PDXDC1: variants seen among roughly 807,000 people sequenced by gnomAD.
PDXDC1 encodes the protein pyridoxal dependent decarboxylase domain containing 1.
In PDXDC1, 42 loss-of-function variants were observed where a neutral mutation model predicts 100.1. The observed-to-expected ratio is 0.42, with a 90% CI of 0.33 to 0.54. The LOEUF (loss-of-function observed/expected upper bound fraction) is 0.54. Among genes scored for constraint, PDXDC1 ranks in the 20% least tolerant of loss-of-function variants. The pLI, the probability that PDXDC1 is intolerant of heterozygous loss-of-function variation, is 0.10. For missense variants in PDXDC1, 636 were observed against 979.2 expected, an observed-to-expected ratio of 0.65 and a Z score of 4.68; for synonymous variants, 260 against 371.7, an observed-to-expected ratio of 0.70 and a Z score of 3.46.
intron 8 of PDXDC1, among the ~76,000 whole-genome samples, chr16:15,015,393 T>G (rs1165524673): frequency 6.6e-6 from 1 of 152,258 alleles, no homozygotes; most frequent in East Asian, 1.9e-4. Flanking sequence ...GACTTCATAT[T>G]GATGAAAGAT....
chr16:14,982,685 A>T (rs1349892899), intron 1 of PDXDC1, among the ~76,000 whole-genome samples: 1 of 152,294 alleles, frequency 6.6e-6, no homozygotes, highest in African/African-American at 2.4e-5. Context: ...AAGTCACTGT[A>T]TCAGCTTGGA....
chr16:14,990,961 G>A (rs1426098547), intron 1 of PDXDC1, among the ~76,000 whole-genome samples: 1 of 152,270 alleles, frequency 6.6e-6, no homozygotes, highest in African/African-American at 2.4e-5. Context: ...AGCTGGTCTC[G>A]AACTCCTGGG....
At chr16:15,031,356 C>G (rs201045871) in intron 16 of PDXDC1, among the ~76,000 whole-genome samples, 1 of 152,118 alleles carries the variant, frequency 6.6e-6, no homozygotes, top group East Asian at 1.9e-4. Flanking sequence ...CAGCAGCCCA[C>G]CACAGTACTT....
chr16:14,975,772 G>C, intron 1 of PDXDC1: 1 of 792,234 alleles, frequency 1.3e-6, no homozygotes, highest in Non-Finnish European at 1.5e-6. Context: ...CTGGGGGCGG[G>C]ACCGGGAACT....
chr16:15,019,537 A>G (rs1433075445), intron 12 of PDXDC1, among the ~76,000 whole-genome samples: 1 of 152,288 alleles, frequency 6.6e-6, no homozygotes, highest in African/African-American at 2.4e-5. Flanking sequence ...TAAACAACAG[A>G]CATTTATTGC....
chr16:15,079,053 G>A (rs555647199), intron 16 of PDXDC1, among the ~76,000 whole-genome samples: 9 of 151,962 alleles, frequency 5.9e-5, no homozygotes, highest in East Asian at 3.9e-4. Flanking sequence ...CTCGTGATCC[G>A]CCCGCCTCGG....
At position 15,036,165 on chromosome 16, in the gene PDXDC1, C is replaced by G; in HGVS notation, c.2257C>G (p.Pro753Ala). The G allele has an allele frequency of 6.2e-7, 1 of 1,614,124 alleles. No individual in the cohort carries two copies. The highest frequency in any genetic ancestry group is 8.5e-7 in the Non-Finnish European group (1 of 1,180,028). The part of the protein sequence containing the change: ...TLEASSTEGH[P>A]GAPSPQHTDQ... ...CGAGGCCAGCAGCACTGAGGGACAC[C>G]CAGGGGCTCCCAGCCCTCAGCACAC... is the stretch of plus-strand genomic sequence containing the variant. Residue 753 changes from proline (P) to alanine (A), a missense_variant, in exon 23 of 23, where the codon CCA becomes GCA. Transcript: ENST00000396410.
intron 1 of PDXDC1, chr16:14,990,007 A>G (rs1970374344): frequency 6.1e-6 from 9 of 1,476,482 alleles, no homozygotes; most frequent in Non-Finnish European, 8.0e-6. Context: ...CCCCAGGACC[A>G]GGGAAGCAGG....
At chr16:15,111,544 G>C (rs1007621254) in intron 16 of PDXDC1, among the ~76,000 whole-genome samples, 8 of 148,108 alleles carry the variant, frequency 5.4e-5, no homozygotes, top group Admixed American at 4.7e-4. Context: ...TGAATCACAA[G>C]GTCAAGAGAT....
intron 16 of PDXDC1, among the ~76,000 whole-genome samples, chr16:15,056,396 C>T (rs897247741): frequency 2.0e-5 from 3 of 152,248 alleles, no homozygotes; most frequent in African/African-American, 7.2e-5. Flanking sequence ...GTCATTGCTC[C>T]ACGCTTCCCA....
intron 22 of PDXDC1, 88 bp from the exon 23 acceptor site, chr16:15,035,928 A>C: frequency 7.3e-7 from 1 of 1,365,678 alleles, no homozygotes. Flanking sequence ...TGTGTTGTGA[A>C]ATAAAGCAAT....
downstream of PDXDC1, chr16:15,040,077 C>T: frequency 6.7e-7 from 1 of 1,486,030 alleles, no homozygotes; most frequent in Non-Finnish European, 9.4e-7. Flanking sequence ...CTGTGAGGGA[C>T]AACAGGATGA....
intron 16 of PDXDC1, among the ~76,000 whole-genome samples, chr16:15,119,709 CCCAG>C (rs1417574462): frequency 2.2e-5 from 3 of 134,392 alleles, no homozygotes; most frequent in African/African-American, 8.3e-5. Flanking sequence ...AGCCACCGTG[CCCAG>C]CCATTTTTTT....
chr16:15,122,753 C>G (rs1354290885), intron 16 of PDXDC1, among the ~76,000 whole-genome samples: 5 of 137,558 alleles, frequency 3.6e-5, no homozygotes, highest in Admixed American at 1.5e-4. Flanking sequence ...GTGGCCAGGA[C>G]AGAGGTGGAG....
At chr16:15,133,194 G>T (rs1381197355) in intron 16 of PDXDC1, 3 of 1,074,952 alleles carry the variant, frequency 2.8e-6, no homozygotes, top group African/African-American at 1.6e-5. Context: ...AAAGCTCCAG[G>T]CAGGGGTACA....
At chr16:15,111,409 T>C (rs1411659386) in intron 16 of PDXDC1, among the ~76,000 whole-genome samples, 4 of 145,128 alleles carry the variant, frequency 2.8e-5, no homozygotes, top group African/African-American at 5.0e-5. Flanking sequence ...TGAGCTGAGA[T>C]TGTGCCATTG....
rs374257380 is a variant in PDXDC1 at position 15,046,960 on chromosome 16, C to T, written c.1399+16904C>T. On this transcript the variant is annotated intron_variant, in intron 16 of 16. Coordinates refer to the PDXDC1 transcript ENST00000535621. ...CTTCCTGGCCTCGTTTTCTCCACAGCCCCGCCTCACCACCCAACACCCCAT... is the reference window on the plus strand; with the variant it reads ...CTTCCTGGCCTCGTTTTCTCCACAGTCCCGCCTCACCACCCAACACCCCAT... Among the ~76,000 whole-genome samples, 12 of 152,256 alleles carry T rather than the reference C, an allele frequency of 7.9e-5. No homozygotes were observed. The East Asian group carries it at 2.1e-3, about 27-fold the overall frequency.
the PDXDC1 span, among the ~76,000 whole-genome samples, chr16:15,149,059 C>T: frequency 6.6e-6 from 1 of 152,222 alleles, no homozygotes; most frequent in African/African-American, 2.4e-5. Flanking sequence ...GCCAGCTGCA[C>T]ATGCAGGATG....
chr16:15,100,200 C>A (rs1445150102), intron 16 of PDXDC1, among the ~76,000 whole-genome samples: 1 of 152,130 alleles, frequency 6.6e-6, no homozygotes, highest in Non-Finnish European at 1.5e-5. Context: ...TAGGGCGGAT[C>A]CACACGAAAA....
Sources: allele counts gnomAD v4.1 joint callset (sites outside exome capture counted in the v4.1 genomes callset), GRCh38; gene constraint gnomAD v4.1.1; transcripts MANE v1.5; gene names NCBI Gene and HGNC (gene_info 2026-07-23, HGNC 2026-07-21).